P2RY6: variants seen among roughly 807,000 people sequenced by gnomAD.
P2RY6 encodes the protein pyrimidinergic receptor P2Y6, also known as P2Y purinoceptor 6.
A neutral mutation model predicts 16.3 loss-of-function variants in P2RY6; 19 were observed. The observed-to-expected ratio is 1.16, with a 90% CI of 0.81 to 1.71. The LOEUF (loss-of-function observed/expected upper bound fraction) is 1.71, where lower values mean the gene tolerates loss of function less well. Among genes scored for constraint, P2RY6 ranks in the 40% most tolerant of loss-of-function variants. The probability of loss-of-function intolerance (pLI) is 0.00; values close to 1 mark genes in which losing one functional copy is unlikely to be tolerated. For synonymous variants in P2RY6, 184 were observed against 201.5 expected, an observed-to-expected ratio of 0.91 and a Z score of 0.74; for missense variants, 389 against 455.5, an observed-to-expected ratio of 0.85 and a Z score of 1.33.
At chr11:73,275,023 T>A (rs1863479241) in intron 1 of P2RY6, among the ~76,000 whole-genome samples, 1 of 152,236 alleles carries the variant, frequency 6.6e-6, no homozygotes, top group Admixed American at 6.5e-5. Flanking sequence ...GGGCTGGCCC[T>A]GTCATTAATA....
intron 1 of P2RY6, among the ~76,000 whole-genome samples, chr11:73,282,243 C>T (rs950301733): frequency 2.0e-5 from 3 of 152,212 alleles, no homozygotes; most frequent in African/African-American, 7.2e-5. Context: ...TCTATTTTCT[C>T]TGAATCTAAC....
At position 73,297,515 on chromosome 11, in the gene P2RY6, G is replaced by A. The variant is rs1864565331; in HGVS notation, c.*10G>A. The A allele has an allele frequency of 1.3e-5, 20 of 1,594,936 alleles. No individual in the cohort carries two copies. The highest frequency in any genetic ancestry group is 1.6e-5 in the Non-Finnish European group (19 of 1,166,154). On this transcript the variant is annotated 3_prime_UTR_variant, in exon 3 of 3. Coordinates refer to ENST00000540124, the MANE Select transcript of P2RY6 (RefSeq NM_001277204.2). Reference sequence around the variant, plus strand: ...GAGGCAGGGTCGCTGAGTCCTCCAGGTCCTGGGCAGCCTTCATATTTGCCA... The same window carrying A: ...GAGGCAGGGTCGCTGAGTCCTCCAGATCCTGGGCAGCCTTCATATTTGCCA...
At chr11:73,267,658 C>T (rs1050915993), upstream of P2RY6, among the ~76,000 whole-genome samples, 5 of 152,170 alleles carry the variant, frequency 3.3e-5, no homozygotes, top group Non-Finnish European at 5.9e-5. Flanking sequence ...TCAGCATAGG[C>T]TGGGGGGTGG....
chr11:73,274,844 C>A (rs551070120), intron 1 of P2RY6, among the ~76,000 whole-genome samples: 1 of 152,368 alleles, frequency 6.6e-6, no homozygotes, highest in South Asian at 2.1e-4. Flanking sequence ...ACCCTGCCCC[C>A]TCCTGCCTTG....
intron 1 of P2RY6, among the ~76,000 whole-genome samples, chr11:73,284,920 T>G (rs1035057369): frequency 1.3e-5 from 2 of 152,156 alleles, no homozygotes; most frequent in Non-Finnish European, 2.9e-5. Flanking sequence ...TATTAAAAGA[T>G]TTTAAATGCT....
At chr11:73,281,701 C>T (rs951434878) in intron 1 of P2RY6, among the ~76,000 whole-genome samples, 2 of 152,256 alleles carry the variant, frequency 1.3e-5, no homozygotes, top group African/African-American at 4.8e-5. Flanking sequence ...ACCAGGTACT[C>T]TGTCTCCCAC....
intron 1 of P2RY6, chr11:73,292,957 C>A: frequency 2.5e-5 from 3 of 119,488 alleles, no homozygotes; most frequent in Non-Finnish European, 2.0e-5. Flanking sequence ...TGGGCCAGTG[C>A]AGGGGTTGCG....
upstream of P2RY6, chr11:73,272,282 G>A (rs1421037167): frequency 3.2e-6 from 3 of 935,272 alleles, no homozygotes; most frequent in Admixed American, 6.2e-5. Flanking sequence ...GCTCTGTGCT[G>A]TGGCAAGTTA....
At chr11:73,290,303 A>AAAGAAAGAAAG (rs1260016714) in intron 1 of P2RY6, among the ~76,000 whole-genome samples, 54 of 113,112 alleles carry the variant, frequency 4.8e-4, no homozygotes, top group Admixed American at 6.9e-4. Flanking sequence ...AGAAAGAAAG[A>AAAGAAAGAAAG]AAAGAAAGAA....
rs1864594503 is a variant in P2RY6 at position 73,298,336 on chromosome 11, CACATGGCCTTGCGTGTGTGAA to C, written c.*833_*853del. 6.0e-6 allele frequency: 1 copy of C among 167,208 alleles called. No individual in the cohort carries two copies. The highest frequency in any genetic ancestry group is 1.5e-5 in the Non-Finnish European group (1 of 68,210). The allele number at this position is 167,208 out of a possible 1,614,324, so 10.4% of individuals were successfully genotyped here. ...ACAGGCAGAGGGCCAGAGCAGAGGACACATGGCCTTGCGTGTGTGAAAGCTGAGAAAATGGGAGCTGTGCTT... is the reference window on the plus strand; with the variant it reads ...ACAGGCAGAGGGCCAGAGCAGAGGACAGCTGAGAAAATGGGAGCTGTGCTT... On this transcript the variant is annotated 3_prime_UTR_variant, in exon 3 of 3. Coordinates refer to ENST00000540124, the MANE Select transcript of P2RY6 (RefSeq NM_001277204.2).
chr11:73,296,179 C>T (rs1437333883), intron 2 of P2RY6, among the ~76,000 whole-genome samples: 1 of 144,480 alleles, frequency 6.9e-6, no homozygotes, highest in Admixed American at 7.0e-5. Flanking sequence ...AACATATGAT[C>T]AGGGCTTTGA....
At chr11:73,283,468 G>A (rs184673018) in intron 1 of P2RY6, among the ~76,000 whole-genome samples, 5 of 152,276 alleles carry the variant, frequency 3.3e-5, no homozygotes, top group African/African-American at 1.2e-4. Flanking sequence ...AGCCAGAGAG[G>A]TGGCTCTCCT....
chr11:73,269,605 C>G (rs538980149), upstream of P2RY6, among the ~76,000 whole-genome samples: 4 of 152,180 alleles, frequency 2.6e-5, no homozygotes, highest in African/African-American at 4.8e-5. Context: ...TGTACACACT[C>G]CAGAGCCACT....
At chr11:73,278,213 C>T (rs955411462) in intron 1 of P2RY6, among the ~76,000 whole-genome samples, 29 of 151,672 alleles carry the variant, frequency 1.9e-4, no homozygotes, top group Admixed American at 1.6e-3. Context: ...GCTCAGTCAC[C>T]CAAGCTGGAG....
At chr11:73,288,424 G>A (rs930870377) in intron 1 of P2RY6, among the ~76,000 whole-genome samples, 1 of 152,228 alleles carries the variant, frequency 6.6e-6, no homozygotes, top group Non-Finnish European at 1.5e-5. Context: ...TTGAGTGGGA[G>A]GTTGAGAAGG....
upstream of P2RY6, among the ~76,000 whole-genome samples, chr11:73,267,802 A>G (rs1172528138): frequency 1.3e-5 from 2 of 152,188 alleles, no homozygotes; most frequent in African/African-American, 4.8e-5. Context: ...GAGTATTCTG[A>G]CCAGGACTTA....
chr11:73,267,285 G>T (rs1863136435), intron 1 of P2RY6, among the ~76,000 whole-genome samples: 1 of 152,182 alleles, frequency 6.6e-6, no homozygotes, highest in Admixed American at 6.5e-5. Flanking sequence ...AGCCAGCCTG[G>T]AGTAGAGGCA....
At chr11:73,281,473 T>C (rs767494156) in intron 1 of P2RY6, among the ~76,000 whole-genome samples, 16 of 152,240 alleles carry the variant, frequency 1.1e-4, no homozygotes, top group Non-Finnish European at 2.1e-4. Flanking sequence ...CACAGTGATC[T>C]GGAGCAGATG....
intron 1 of P2RY6, among the ~76,000 whole-genome samples, chr11:73,293,812 C>T (rs1864369211): frequency 6.6e-6 from 1 of 152,174 alleles, no homozygotes; most frequent in South Asian, 2.1e-4. Context: ...CGGCACACTG[C>T]AGCCCCCAGT....
Sources: allele counts gnomAD v4.1 joint callset (sites outside exome capture counted in the v4.1 genomes callset), GRCh38; gene constraint gnomAD v4.1.1; transcripts MANE v1.5; gene names NCBI Gene and HGNC (gene_info 2026-07-23, HGNC 2026-07-21).